PIGN: variants seen among roughly 807,000 people sequenced by gnomAD.
PIGN encodes GPI ethanolamine phosphate transferase 1.
Under a neutral mutation model 125.4 loss-of-function variants are expected in PIGN, and 117 were observed. The observed-to-expected ratio is 0.93, with a 90% CI of 0.80 to 1.09. The LOEUF is 1.09. Ranked by LOEUF, PIGN falls within the 50% of genes least tolerant of loss-of-function variation. The pLI is 0.00. For missense variants in PIGN, 1,075 were observed against 1,094.9 expected (o/e 0.98, Z 0.26); for synonymous variants, 392 against 377.8 (o/e 1.04, Z -0.44).
chr18:62,068,628 C>T (rs1311513561), intron 30 of PIGN, among the ~76,000 whole-genome samples: 1 of 152,160 alleles, frequency 6.6e-6, no homozygotes, highest in Non-Finnish European at 1.5e-5. Context: ...TAAACCAAGG[C>T]ACACCTTTAT....
Position 62,049,720 on chromosome 18 carries a change from A to T in PIGN, c.2673-3741T>A, listed in dbSNP as rs1347645740. ...TTAGTTTAATTAGATCCCATTTGTC[A>T]ATTTTGGCTTTTGTTGCCATTGCTT... On this transcript the variant is annotated intron_variant, in intron 30 of 30. Coordinates refer to ENST00000640252, the MANE Select transcript of PIGN (RefSeq NM_176787.5). Among the ~76,000 whole-genome samples the T allele has an allele frequency of 8.6e-3, 1,301 of 150,898 alleles. 35 individuals carry two copies. The highest frequency in any genetic ancestry group is 0.065 in the East Asian group (329 of 5,078).
At chr18:62,038,144 G>A (rs1233063762), downstream of PIGN, among the ~76,000 whole-genome samples, 1 of 152,142 alleles carries the variant, frequency 6.6e-6, no homozygotes, top group Non-Finnish European at 1.5e-5. Flanking sequence ...GTGAATCGGA[G>A]GGATAAAGTC....
At chr18:62,141,084 C>T (rs1027891539) in intron 11 of PIGN, among the ~76,000 whole-genome samples, 6 of 152,122 alleles carry the variant, frequency 3.9e-5, no homozygotes, top group Non-Finnish European at 5.9e-5. Flanking sequence ...TTTATCATTC[C>T]AAAGACTGCT....
In PIGN at chr18:62,045,716, A is replaced by G. The variant is rs139244666; in HGVS notation, c.*140T>C. On this transcript the variant is annotated 3_prime_UTR_variant, in exon 31 of 31. Transcript: ENST00000640252. ...CTCCTTTGTTCCAGATAACCTGTCA[A>G]TTCGGAATTCCAAATACCATTTTCC... is the stretch of plus-strand genomic sequence containing the variant. The G allele has an allele frequency of 1.2e-3, 902 of 743,566 alleles. 15 individuals are homozygous for G. In the East Asian group the frequency reaches 0.023, roughly 19 times the overall value. The allele number at this position is 743,566 out of a possible 1,614,324, so 46.1% of individuals were successfully genotyped here.
At chr18:62,142,050 C>T (rs765579566) in intron 11 of PIGN, among the ~76,000 whole-genome samples, 14 of 152,188 alleles carry the variant, frequency 9.2e-5, no homozygotes, top group Non-Finnish European at 1.8e-4. Context: ...ATCCACTCTA[C>T]AGTCTCACAG....
chr18:62,067,968 G>A (rs557786114), intron 30 of PIGN, among the ~76,000 whole-genome samples: 65 of 152,252 alleles, frequency 4.3e-4, no homozygotes, highest in African/African-American at 1.4e-3. Flanking sequence ...TTGCTGTGTC[G>A]TGTTTTAGGA....
chr18:62,146,521 A>G (rs1234484512), intron 9 of PIGN, among the ~76,000 whole-genome samples: 1 of 152,160 alleles, frequency 6.6e-6, no homozygotes, highest in Non-Finnish European at 1.5e-5. Context: ...AGAAATCCAT[A>G]TTGTGATTTG....
At chr18:62,032,994 C>T (rs980574767) in intron 23 of PIGN, among the ~76,000 whole-genome samples, 2 of 152,188 alleles carry the variant, frequency 1.3e-5, no homozygotes, top group Non-Finnish European at 2.9e-5. Flanking sequence ...TTTTAGGATA[C>T]AAATGGCTTG....
At chr18:62,163,852 C>T (rs1394230382) in intron 1 of PIGN, among the ~76,000 whole-genome samples, 196 bp from the exon 2 acceptor site, 1 of 152,186 alleles carries the variant, frequency 6.6e-6, no homozygotes, top group Non-Finnish European at 1.5e-5. Context: ...CCTGTCCTAA[C>T]CCTGGGGAAC....
chr18:62,105,550 A>G lies in PIGN; in HGVS notation c.1852T>C (p.Ser618Pro), dbSNP rs1291410779. 6.6e-7 allele frequency: 1 copy of G among 1,523,118 alleles called. No homozygotes were observed. Among genetic ancestry groups the G allele is most frequent in the South Asian group, 1.2e-5 (1 of 83,446 alleles). The allele number at this position is 1,523,118 out of a possible 1,614,324, so 94.4% of individuals were successfully genotyped here. A position where few individuals can be genotyped will look rare whatever the true frequency, so the allele number is the denominator to read the frequency against. The stretch of plus-strand genomic sequence containing the variant: ...ATACAATATTATTCATACACTAGAG[A>G]GATGTCTGGCTTTCGACCTACAACC... Reference protein sequence around the residue: ...MPVVGRKPDISLVMGAGLLVL... With the variant: ...MPVVGRKPDIPLVMGAGLLVL... The change falls in exon 20 of 31, where the codon TCT (serine) becomes CCT (proline). Residue 618 changes from serine (S) to proline (P), a missense_variant. Ser to Pro is a moderately conservative substitution (Grantham distance 74). Transcript: ENST00000640252.
intron 15 of PIGN, among the ~76,000 whole-genome samples, chr18:62,113,757 T>A (rs1436155591): frequency 2.0e-5 from 3 of 152,094 alleles, no homozygotes; most frequent in Non-Finnish European, 4.4e-5. Context: ...CATTTTAAAA[T>A]CATCAAAAAA....
At chr18:62,067,574 A>T (rs1229729756) in intron 30 of PIGN, among the ~76,000 whole-genome samples, 1 of 152,224 alleles carries the variant, frequency 6.6e-6, no homozygotes, top group Non-Finnish European at 1.5e-5. Context: ...AATGGAGTAC[A>T]CTATATACTC....
downstream of PIGN, among the ~76,000 whole-genome samples, chr18:62,037,666 G>A (rs969130549): frequency 2.0e-5 from 3 of 152,248 alleles, no homozygotes; most frequent in African/African-American, 7.2e-5. Context: ...CTTTGGTGGA[G>A]GCACGGTGAG....
At position 62,043,601 on chromosome 18, in the gene PIGN, T is replaced by A. The variant is rs1224930609; in HGVS notation, c.*2255A>T. The A allele has an allele frequency of 6.6e-6, 1 of 152,212 alleles. No individual in the cohort carries two copies. Among genetic ancestry groups the A allele is most frequent in the East Asian group, 1.9e-4 (1 of 5,200 alleles). 9.4% of individuals were successfully genotyped at this position (152,212 alleles called of 1,614,324 possible). A position where few individuals can be genotyped will look rare whatever the true frequency, so the allele number is the denominator to read the frequency against. The stretch of plus-strand genomic sequence containing the variant: ...AAATATACAATCATTTATAACATTA[T>A]TTTCCTAAAAAATAAAAAAGCATTT... On this transcript the variant is annotated 3_prime_UTR_variant, in exon 31 of 31. Transcript: ENST00000640252.
chr18:62,161,058 A>C (rs1037559621), intron 4 of PIGN, 75 bp downstream of exon 4: 2 of 910,188 alleles, frequency 2.2e-6, no homozygotes, highest in East Asian at 4.9e-5. Context: ...CATGATAAAT[A>C]GTAAGATATT....
downstream of PIGN, among the ~76,000 whole-genome samples, chr18:62,038,928 T>C (rs1233241137): frequency 6.9e-5 from 1 of 14,414 alleles, no homozygotes; most frequent in African/African-American, 3.4e-4. Context: ...AAAATAATAA[T>C]AATAATAATA....
At chr18:62,058,637 A>C (rs540562855) in intron 30 of PIGN, among the ~76,000 whole-genome samples, 12 of 152,362 alleles carry the variant, frequency 7.9e-5, no homozygotes, top group Non-Finnish European at 1.6e-4. Flanking sequence ...ATACATCAAC[A>C]TGTTGAATAG....
rs1405079339 is a variant in PIGN at position 62,186,998 on chromosome 18, C to G, written c.-390G>C. 1 of 152,806 alleles carries G rather than the reference C, an allele frequency of 6.5e-6. No individual in the cohort carries two copies. The highest frequency in any genetic ancestry group is 1.5e-5 in the Non-Finnish European group (1 of 68,464). The allele number at this position is 152,806 out of a possible 1,614,324, so 9.5% of individuals were successfully genotyped here. On this transcript the variant is annotated 5_prime_UTR_variant, in exon 1 of 31. Transcript: ENST00000640252. ...TCCTAAGCCACCACTACAACCACCC[C>G]TCAATTCCGGAACGCCCCCAATACC...
intron 22 of PIGN, among the ~76,000 whole-genome samples, chr18:62,099,660 AC>A (rs1452404209): frequency 3.3e-5 from 5 of 152,120 alleles, no homozygotes; most frequent in African/African-American, 4.8e-5. Context: ...AAATAAATCC[AC>A]ATATTTATAG....
Sources: gnomAD v4.1 joint callset for allele counts (sites outside exome capture counted in the v4.1 genomes callset) on GRCh38, gnomAD v4.1.1 for gene constraint, MANE v1.5 for transcripts, NCBI Gene and HGNC (gene_info 2026-07-23, HGNC 2026-07-21) for gene names.